The following ZBTB10 variants were observed in gnomAD, a reference collection of about 807,000 sequenced individuals.
ZBTB10 encodes the protein zinc finger and BTB domain-containing protein 10.
A neutral mutation model predicts 76.4 loss-of-function variants in ZBTB10; 32 were observed. That is an observed-to-expected ratio of 0.42 (90% CI 0.32 to 0.56). ZBTB10 has a LOEUF of 0.56. ZBTB10 is among the 20% of genes least tolerant of loss of function. The pLI, the probability that ZBTB10 is intolerant of heterozygous loss-of-function variation, is 0.14. For missense variants in ZBTB10, 1,057 were observed against 1,098.5 expected (o/e 0.96, Z 0.53); for synonymous variants, 523 against 432.9 (o/e 1.21, Z -2.58).
rs761786846 is a variant in ZBTB10 at position 80,487,518 on chromosome 8, C to T, written c.708C>T (p.Leu236=). The T allele has an allele frequency of 7.0e-6, 11 of 1,566,924 alleles. No homozygotes were observed. The highest frequency in any genetic ancestry group is 1.2e-5 in the South Asian group (1 of 85,516). ...GEGETVQHFP[L]ARPKSLMQKL... ...GAGAGACTGTCCAGCACTTCCCGCTCGCGCGGCCCAAGTCTCTAATGCAGA... is the reference window on the plus strand; with the variant it reads ...GAGAGACTGTCCAGCACTTCCCGCTTGCGCGGCCCAAGTCTCTAATGCAGA... The change falls in exon 1 of 6, where the codon CTC becomes CTT. Residue 236 remains leucine (L), a synonymous_variant. Coordinates refer to ENST00000455036, the MANE Select transcript of ZBTB10 (RefSeq NM_001105539.3).
At chr8:80,512,116 C>T (rs1359506040) in intron 2 of ZBTB10, among the ~76,000 whole-genome samples, 1 of 152,096 alleles carries the variant, frequency 6.6e-6, no homozygotes, top group East Asian at 1.9e-4. Context: ...TGTGGTACCA[C>T]ATTAAATACT....
rs748718367 is a variant in ZBTB10 at position 80,513,930 on chromosome 8, T to C, written c.1882T>C (p.Ser628Pro). 1 of 1,613,602 alleles carries C rather than the reference T, an allele frequency of 6.2e-7. No homozygotes were observed. The highest frequency in any genetic ancestry group is 1.7e-5 in the Admixed American group (1 of 59,982). The change falls in exon 3 of 6, where the codon TCG (serine) becomes CCG (proline). Residue 628 changes from serine (S) to proline (P), a missense_variant. By Grantham distance (74) the Ser-to-Pro change is moderately conservative. This residue lies in a region of ZBTB10 where 306 missense variants were observed against 297.5 expected (regional missense o/e 1.03). Transcript: ENST00000455036. The part of the protein sequence containing the change: ...EEPDLDGALL[S>P]GPDGDRNVNA... ...TTCAGATTTAGATGGTGCTCTACTC[T>C]CGGGGCCAGATGGTGATAGGAATGT... is the stretch of plus-strand genomic sequence containing the variant.
In ZBTB10 at chr8:80,487,692, G is replaced by C; in HGVS notation, c.882G>C (p.Glu294Asp). ...ACCTTCCCCCAGTGGGGCATGATGA[G>C]CTTTCGCGAGGGACCCGCAACTACA... ...SVDLPPVGHD[E>D]LSRGTRNYKK... Residue 294 changes from glutamate to aspartate, a missense_variant, in exon 1 of 6, where the codon GAG (glutamate) becomes GAC (aspartate). By Grantham distance (45) the Glu-to-Asp change is conservative (BLOSUM62 2). Coordinates refer to ENST00000455036, the MANE Select transcript of ZBTB10 (RefSeq NM_001105539.3). 6 of 1,613,920 alleles carry C rather than the reference G, an allele frequency of 3.7e-6. No homozygotes were observed. Among genetic ancestry groups the C allele is most frequent in the Non-Finnish European group, 5.1e-6 (6 of 1,179,878 alleles).
At position 80,519,750 on chromosome 8, in the gene ZBTB10, C is replaced by A; in HGVS notation, c.*222C>A. On this transcript the variant is annotated 3_prime_UTR_variant, in exon 6 of 6. Transcript: ENST00000455036. ...ATGTGGTTGGATTACATGGAGTCCC[C>A]ACATACTCAGTCAGTTATCAAAGTA... is the stretch of plus-strand genomic sequence containing the variant. The A allele has an allele frequency of 2.2e-6, 1 of 448,084 alleles. No homozygotes were observed. The highest frequency in any genetic ancestry group is 3.3e-5 in the East Asian group (1 of 30,662). The allele number at this position is 448,084 out of a possible 1,614,324, so 27.8% of individuals were successfully genotyped here.
Position 80,501,229 on chromosome 8 carries a change from T to G in ZBTB10, c.1861+847T>G, listed in dbSNP as rs952882342. ...TTTGTTTGTCCACTGTCACCTGATT[T>G]TCATTCACCTTTGCATTCATTGCAA... On this transcript the variant is annotated intron_variant, in intron 2 of 5. Coordinates refer to ENST00000455036, the MANE Select transcript of ZBTB10 (RefSeq NM_001105539.3). Among the ~76,000 whole-genome samples, 9 of 152,364 alleles carry G rather than the reference T, an allele frequency of 5.9e-5. No individual in the cohort carries two copies. In the Middle Eastern group the frequency reaches 0.01, roughly 173 times the overall value.
At position 80,518,800 on chromosome 8, in the gene ZBTB10, T is replaced by G. The variant is rs1231853021; in HGVS notation, c.2156T>G (p.Met719Arg). 6.2e-7 allele frequency: 1 copy of G among 1,611,428 alleles called. No individual in the cohort carries two copies. The highest frequency in any genetic ancestry group is 8.5e-7 in the Non-Finnish European group (1 of 1,178,974). ...TWENGESSLI[M>R]NKLKCPHCSY... ...CTCATAGGTGAATCATCTCTAATCA[T>G]GAACAAGTTAAAATGCCCTCATTGT... The change falls in exon 5 of 6, where the codon ATG becomes AGG. Residue 719 changes from methionine to arginine, a missense_variant. This residue lies in a region of ZBTB10 where 54 missense variants were observed against 138.1 expected (regional missense o/e 0.39). Coordinates refer to ENST00000455036, the MANE Select transcript of ZBTB10 (RefSeq NM_001105539.3).
chr8:80,519,762 C>G lies in ZBTB10; in HGVS notation c.*234C>G. The G allele has an allele frequency of 4.9e-6, 2 of 410,304 alleles. No individual in the cohort carries two copies. The highest frequency in any genetic ancestry group is 4.4e-6 in the Non-Finnish European group (1 of 229,576). 25.4% of individuals were successfully genotyped at this position (410,304 alleles called of 1,614,324 possible). A position where few individuals can be genotyped will look rare whatever the true frequency, so the allele number is the denominator to read the frequency against. ...TACATGGAGTCCCCACATACTCAGTCAGTTATCAAAGTAAAATATTTTTTA... is the reference window on the plus strand; with the variant it reads ...TACATGGAGTCCCCACATACTCAGTGAGTTATCAAAGTAAAATATTTTTTA... On this transcript the variant is annotated 3_prime_UTR_variant, in exon 6 of 6. Transcript: ENST00000455036.
At chr8:80,496,171 C>T (rs1815777071) in intron 1 of ZBTB10, among the ~76,000 whole-genome samples, 2 of 152,104 alleles carry the variant, frequency 1.3e-5, no homozygotes, top group African/African-American at 2.4e-5. Flanking sequence ...TATTAGGGAC[C>T]TATTTTGAGA....
intron 2 of ZBTB10, among the ~76,000 whole-genome samples, chr8:80,510,087 A>T (rs1485436261): frequency 6.6e-6 from 1 of 152,238 alleles, no homozygotes; most frequent in African/African-American, 2.4e-5. Context: ...GAGCAATGAT[A>T]GCTAGTACCT....
At chr8:80,512,409 T>C (rs1307253177) in intron 2 of ZBTB10, among the ~76,000 whole-genome samples, 2 of 152,190 alleles carry the variant, frequency 1.3e-5, no homozygotes, top group Non-Finnish European at 2.9e-5. Flanking sequence ...TTCCTGTCAG[T>C]ATTCACATAT....
At chr8:80,498,836 T>A (rs1163017957) in intron 1 of ZBTB10, among the ~76,000 whole-genome samples, 1 of 152,222 alleles carries the variant, frequency 6.6e-6, no homozygotes, top group African/African-American at 2.4e-5. Flanking sequence ...GGAATTTTAA[T>A]TTACCTTACA....
chr8:80,519,162 G>T (rs1184432697), intron 5 of ZBTB10, 61 bp from the exon 6 acceptor site: 2 of 1,517,026 alleles, frequency 1.3e-6, no homozygotes, highest in Non-Finnish European at 8.9e-7. Context: ...AATTTGAGTG[G>T]TTCAAATGCA....
chr8:80,510,517 G>A (rs762376387), intron 2 of ZBTB10, among the ~76,000 whole-genome samples: 7 of 152,110 alleles, frequency 4.6e-5, no homozygotes, highest in Non-Finnish European at 1.0e-4. Flanking sequence ...ACTGAGAAAA[G>A]ACATTTTTTT....
chr8:80,503,535 A>G (rs1330692864), intron 2 of ZBTB10, among the ~76,000 whole-genome samples: 1 of 149,796 alleles, frequency 6.7e-6, no homozygotes, highest in Non-Finnish European at 1.5e-5. Context: ...ATGTTTTTTG[A>G]GAGACAGAGT....
At chr8:80,514,069 T>C in intron 3 of ZBTB10, 61 bp downstream of exon 3, 2 of 1,421,998 alleles carry the variant, frequency 1.4e-6, no homozygotes, top group Non-Finnish European at 2.0e-6. Flanking sequence ...ACATCTTACC[T>C]GCAGCCTAGT....
chr8:80,501,495 G>A (rs981780435), intron 2 of ZBTB10, among the ~76,000 whole-genome samples: 12 of 152,148 alleles, frequency 7.9e-5, no homozygotes, highest in African/African-American at 2.9e-4. Context: ...TCACTTCAAA[G>A]CACTGTAACT....
intron 2 of ZBTB10, among the ~76,000 whole-genome samples, chr8:80,501,872 T>C (rs1216544699): frequency 1.3e-5 from 2 of 152,242 alleles, no homozygotes; most frequent in Non-Finnish European, 2.9e-5. Context: ...GTAGAAGACC[T>C]TGACAGATTT....
At chr8:80,493,195 G>A (rs1005371475) in intron 1 of ZBTB10, among the ~76,000 whole-genome samples, 7 of 109,184 alleles carry the variant, frequency 6.4e-5, no homozygotes, top group Non-Finnish European at 9.4e-5. Flanking sequence ...GCCTCAAAAC[G>A]CGCGCGCGCG....
chr8:80,491,197 T>C (rs1414596208), intron 1 of ZBTB10, among the ~76,000 whole-genome samples: 1 of 152,192 alleles, frequency 6.6e-6, no homozygotes, highest in Non-Finnish European at 1.5e-5. Context: ...TGTGCCATAT[T>C]TTTACTGTAC....
Sources: gnomAD v4.1 joint callset for allele counts (sites outside exome capture counted in the v4.1 genomes callset) on GRCh38, gnomAD v4.1.1 for gene constraint, gnomAD v4.1.1 regional missense constraint, MANE v1.5 for transcripts, NCBI Gene and HGNC (gene_info 2026-07-23, HGNC 2026-07-21) for gene names.